Variants in CSMD1 observed in about 807,000 individuals in gnomAD.
CSMD1 encodes CUB and Sushi multiple domains 1, also known as CUB and sushi domain-containing protein 1.
A neutral mutation model predicts 417.5 loss-of-function variants in CSMD1; 213 were observed. The observed-to-expected ratio is 0.51, with a 90% CI of 0.46 to 0.57. The LOEUF (loss-of-function observed/expected upper bound fraction) is 0.57. CSMD1 is among the 20% of genes least tolerant of loss of function. The probability of loss-of-function intolerance (pLI) is 0.00; values close to 1 mark genes in which losing one functional copy is unlikely to be tolerated. For missense variants in CSMD1, 6,923 were observed against 4,529.7 expected (o/e 1.53, Z -15.17); for synonymous variants, 2,862 against 1,736.8 (o/e 1.65, Z -16.11).
intron 1 of CSMD1, among the ~76,000 whole-genome samples, chr8:4,729,841 C>A (rs1388495452): frequency 3.3e-5 from 5 of 152,176 alleles, no homozygotes; most frequent in African/African-American, 1.2e-4. Flanking sequence ...AGCAAAGATA[C>A]TCCTAAGTCC....
chr8:3,772,639 A>G (rs1344937940), intron 5 of CSMD1, among the ~76,000 whole-genome samples: 1 of 74,652 alleles, frequency 1.3e-5, no homozygotes, highest in East Asian at 5.9e-4. Flanking sequence ...ATATATTTAT[A>G]TACATATATA....
At chr8:4,687,318 T>C (rs559067044) in intron 1 of CSMD1, among the ~76,000 whole-genome samples, 1 of 152,276 alleles carries the variant, frequency 6.6e-6, no homozygotes, top group East Asian at 1.9e-4. Context: ...TGAAGACAGA[T>C]GCATAGATGG....
chr8:3,868,112 A>G (rs897777684), intron 5 of CSMD1, among the ~76,000 whole-genome samples: 2 of 151,980 alleles, frequency 1.3e-5, no homozygotes, highest in Non-Finnish European at 2.9e-5. Flanking sequence ...CAGTATTTAA[A>G]TTATCCTAGC....
chr8:4,693,100 T>A (rs1485256788), intron 1 of CSMD1, among the ~76,000 whole-genome samples: 1 of 152,182 alleles, frequency 6.6e-6, no homozygotes, highest in African/African-American at 2.4e-5. Context: ...CTCTCGGAAG[T>A]TCCCAGGGCC....
At chr8:4,333,169 C>T (rs889028497) in intron 3 of CSMD1, among the ~76,000 whole-genome samples, 1 of 152,044 alleles carries the variant, frequency 6.6e-6, no homozygotes, top group Non-Finnish European at 1.5e-5. Context: ...CTCAAAAAAT[C>T]CTTCGCAAGT....
At chr8:3,257,818 G>T (rs1042174382) in intron 26 of CSMD1, among the ~76,000 whole-genome samples, 1 of 152,140 alleles carries the variant, frequency 6.6e-6, no homozygotes, top group Admixed American at 6.6e-5. Context: ...GGTGGGGTGA[G>T]GGGAGAATTG....
At chr8:3,732,610 C>T (rs1399453220) in intron 6 of CSMD1, among the ~76,000 whole-genome samples, 2 of 152,180 alleles carry the variant, frequency 1.3e-5, no homozygotes, top group African/African-American at 2.4e-5. Context: ...ATTTCAGCAA[C>T]CCTTGCCTTT....
intron 3 of CSMD1, among the ~76,000 whole-genome samples, chr8:4,079,028 C>A (rs917279599): frequency 2.0e-5 from 3 of 150,172 alleles, no homozygotes; most frequent in African/African-American, 7.4e-5. Flanking sequence ...TTTGTTGTGT[C>A]CAGGTATGGA....
chr8:3,462,175 G>C (rs574411883), intron 12 of CSMD1, among the ~76,000 whole-genome samples: 1 of 152,002 alleles, frequency 6.6e-6, no homozygotes, highest in South Asian at 2.1e-4. Flanking sequence ...TTCTTTTCAG[G>C]AATCATCCCA....
At chr8:4,164,711 G>C (rs566022832) in intron 3 of CSMD1, among the ~76,000 whole-genome samples, 1 of 152,096 alleles carries the variant, frequency 6.6e-6, no homozygotes, top group South Asian at 2.1e-4. Context: ...GTGGAGGAAA[G>C]ATTCAAGTAC....
chr8:4,642,727 G>C (rs919661978), intron 1 of CSMD1, among the ~76,000 whole-genome samples: 1 of 152,172 alleles, frequency 6.6e-6, no homozygotes, highest in African/African-American at 2.4e-5. Flanking sequence ...GTGTAGCTTA[G>C]CCTTTGCTTT....
At chr8:3,309,572 C>G (rs778296619) in intron 23 of CSMD1, among the ~76,000 whole-genome samples, 1 of 142,274 alleles carries the variant, frequency 7.0e-6, no homozygotes, top group East Asian at 2.3e-4. Flanking sequence ...GAAAGACAGT[C>G]TTACAGTAAC....
In CSMD1 at chr8:4,266,659, T is replaced by C. The variant is rs181286587; in HGVS notation, c.415+153294A>G. Among the ~76,000 whole-genome samples the C allele has an allele frequency of 1.3e-4, 14 of 105,200 alleles. 1 individual carries two copies. In the East Asian group the frequency reaches 1.8e-3, roughly 13 times the overall value. 69.0% of individuals were successfully genotyped at this position (105,200 alleles called of 152,430 possible). A position where few individuals can be genotyped will look rare whatever the true frequency, so the allele number is the denominator to read the frequency against. On this transcript the variant is annotated intron_variant, in intron 3 of 69. Transcript: ENST00000635120. ...CATTTTTATTTGTCATCTATGAACATTGATATAACTTGAAAAATACATTAT... is the reference window on the plus strand; with the variant it reads ...CATTTTTATTTGTCATCTATGAACACTGATATAACTTGAAAAATACATTAT...
chr8:4,708,325 G>C (rs578095577), intron 1 of CSMD1, among the ~76,000 whole-genome samples: 1 of 152,162 alleles, frequency 6.6e-6, no homozygotes, highest in East Asian at 1.9e-4. Context: ...TCTCTCCCTA[G>C]GTGGAATGTA....
At chr8:4,458,089 A>G (rs543072711) in intron 2 of CSMD1, among the ~76,000 whole-genome samples, 1 of 152,164 alleles carries the variant, frequency 6.6e-6, no homozygotes, top group Admixed American at 6.5e-5. Flanking sequence ...TTAACTCCTT[A>G]TATACTTAAT....
chr8:3,743,986 C>A (rs1382335455), intron 6 of CSMD1, among the ~76,000 whole-genome samples: 1 of 152,146 alleles, frequency 6.6e-6, no homozygotes, highest in Non-Finnish European at 1.5e-5. Flanking sequence ...TTCCCCTACC[C>A]CCGTTACATG....
chr8:3,141,800 C>CT (rs34760693), intron 41 of CSMD1, among the ~76,000 whole-genome samples: 78,276 of 144,082 alleles, frequency 0.54, 22,097 homozygotes, highest in Non-Finnish European at 0.63. Context: ...GCCAAATTAT[C>CT]TTTTTTTTTT....
intron 2 of CSMD1, among the ~76,000 whole-genome samples, chr8:4,475,018 G>C (rs559468017): frequency 6.6e-6 from 1 of 152,096 alleles, no homozygotes; most frequent in African/African-American, 2.4e-5. Flanking sequence ...GTTTTATGTG[G>C]ATTTTTCAAT....
At chr8:3,438,280 C>T (rs1477519631) in intron 12 of CSMD1, among the ~76,000 whole-genome samples, 1 of 152,124 alleles carries the variant, frequency 6.6e-6, no homozygotes, top group Admixed American at 6.6e-5. Flanking sequence ...AACCTTCGTG[C>T]AGCTTTCCCC....
Sources: gnomAD v4.1 joint callset for allele counts (sites outside exome capture counted in the v4.1 genomes callset) on GRCh38, gnomAD v4.1.1 for gene constraint, MANE v1.5 for transcripts, NCBI Gene and HGNC (gene_info 2026-07-23, HGNC 2026-07-21) for gene names.